The following CNTLN variants were observed in gnomAD, a reference collection of about 807,000 sequenced individuals.
CNTLN encodes centlein, also known as centlein, centrosomal protein.
A neutral mutation model predicts 180.0 loss-of-function variants in CNTLN; 212 were observed. The observed-to-expected ratio is 1.18, with a 90% CI of 1.05 to 1.32. The LOEUF (loss-of-function observed/expected upper bound fraction) is 1.32, where lower values mean the gene tolerates loss of function less well. Among genes scored for constraint, CNTLN ranks in the 40% most tolerant of loss-of-function variants. The probability of loss-of-function intolerance (pLI) is 0.00; values close to 1 mark genes in which losing one functional copy is unlikely to be tolerated. For missense variants in CNTLN, 2,095 were observed against 1,610.9 expected (o/e 1.30, Z -5.14); for synonymous variants, 722 against 563.1 (o/e 1.28, Z -3.99).
intron 18 of CNTLN, among the ~76,000 whole-genome samples, chr9:17,453,735 C>T (rs549560352): frequency 3.3e-5 from 5 of 152,268 alleles, no homozygotes; most frequent in African/African-American, 4.8e-5. Flanking sequence ...GACTGAGGTC[C>T]GTGGCTTGCT....
chr9:17,291,082 A>T (rs931287176), intron 6 of CNTLN, among the ~76,000 whole-genome samples: 7 of 152,154 alleles, frequency 4.6e-5, no homozygotes, highest in South Asian at 2.1e-4. Context: ...ATTCAGGAGC[A>T]GGTTGTTCAG....
intron 23 of CNTLN, among the ~76,000 whole-genome samples, chr9:17,476,023 A>G (rs1156437754): frequency 6.6e-6 from 1 of 151,806 alleles, no homozygotes; most frequent in Non-Finnish European, 1.5e-5. Flanking sequence ...CAAATCTGCC[A>G]GCTCTATTTT....
At chr9:17,310,878 T>C (rs941692154) in intron 8 of CNTLN, among the ~76,000 whole-genome samples, 5 of 152,202 alleles carry the variant, frequency 3.3e-5, no homozygotes, top group African/African-American at 7.2e-5. Context: ...CAATCTTCTA[T>C]TGGATTTTTT....
At chr9:17,253,788 C>G (rs1826301284) in intron 5 of CNTLN, among the ~76,000 whole-genome samples, 1 of 145,318 alleles carries the variant, frequency 6.9e-6, no homozygotes, top group African/African-American at 2.6e-5. Flanking sequence ...TGCCTGATTG[C>G]TCTGACTGGG....
intron 2 of CNTLN, among the ~76,000 whole-genome samples, chr9:17,156,057 G>T (rs920430938): frequency 6.6e-6 from 1 of 152,192 alleles, no homozygotes; most frequent in Non-Finnish European, 1.5e-5. Flanking sequence ...TCTGTGGGCT[G>T]CACCCACTGT....
intron 2 of CNTLN, among the ~76,000 whole-genome samples, chr9:17,218,919 A>G (rs560458337): frequency 7.2e-5 from 11 of 152,308 alleles, no homozygotes; most frequent in Admixed American, 2.0e-4. Flanking sequence ...GGTCTATAAC[A>G]TAATAAAATT....
chr9:17,325,414 ATG>A (rs1820213635), intron 8 of CNTLN, among the ~76,000 whole-genome samples: 1 of 141,436 alleles, frequency 7.1e-6, no homozygotes, highest in African/African-American at 2.7e-5. Context: ...GTGTGTGTGT[ATG>A]TATACACAGA....
intron 13 of CNTLN, among the ~76,000 whole-genome samples, chr9:17,376,451 T>G (rs1232168287): frequency 6.6e-6 from 1 of 150,930 alleles, no homozygotes; most frequent in Admixed American, 6.6e-5. Context: ...TTTTTTAAAT[T>G]TTTTAATTTT....
intron 6 of CNTLN, among the ~76,000 whole-genome samples, chr9:17,277,982 C>A (rs1828420235): frequency 6.6e-6 from 1 of 152,102 alleles, no homozygotes; most frequent in South Asian, 2.1e-4. Context: ...GAAACCATTA[C>A]CACCCTTAGC....
At chr9:17,486,016 T>C (rs760409414) in intron 24 of CNTLN, among the ~76,000 whole-genome samples, 55 of 152,148 alleles carry the variant, frequency 3.6e-4, no homozygotes, top group Non-Finnish European at 5.7e-4. Context: ...AATATGCATG[T>C]CACACAATCT....
chr9:17,507,017 G>C (rs1187683957), downstream of CNTLN, among the ~76,000 whole-genome samples: 2 of 152,022 alleles, frequency 1.3e-5, no homozygotes, highest in African/African-American at 4.8e-5. Flanking sequence ...TTTAGATTCA[G>C]TGGGTACGTG....
intron 8 of CNTLN, among the ~76,000 whole-genome samples, chr9:17,324,095 A>T (rs1238486195): frequency 6.6e-6 from 1 of 152,224 alleles, no homozygotes; most frequent in African/African-American, 2.4e-5. Flanking sequence ...GATAATGTAT[A>T]ACAAGCATAG....
chr9:17,341,036 G>C (rs1821442411), intron 11 of CNTLN, 88 bp downstream of exon 11: 4 of 1,221,174 alleles, frequency 3.3e-6, no homozygotes, highest in Non-Finnish European at 4.3e-6. Flanking sequence ...CTTTTGTTTG[G>C]TTTTAAAGAA....
chr9:17,240,783 C>G (rs1276596653), intron 5 of CNTLN, among the ~76,000 whole-genome samples: 2 of 152,230 alleles, frequency 1.3e-5, no homozygotes, highest in Non-Finnish European at 1.5e-5. Flanking sequence ...ACTTTGGTTT[C>G]TTGTCCCTGT....
chr9:17,488,500 A>G (rs1319020331), intron 25 of CNTLN, among the ~76,000 whole-genome samples: 3 of 152,162 alleles, frequency 2.0e-5, no homozygotes, highest in Admixed American at 1.3e-4. Context: ...TATGGCCTGT[A>G]TTTATTTGAA....
chr9:17,240,731 C>T (rs764611578), intron 5 of CNTLN, among the ~76,000 whole-genome samples: 7 of 151,994 alleles, frequency 4.6e-5, no homozygotes, highest in South Asian at 2.1e-4. Flanking sequence ...CTTTGCTGTG[C>T]GGAAGCTTTT....
chr9:17,298,383 A>G, intron 7 of CNTLN, 31 bp downstream of exon 7: 1 of 1,547,876 alleles, frequency 6.5e-7, no homozygotes, highest in South Asian at 1.3e-5. Context: ...AAAGATGTAA[A>G]TGTTTATGTA....
intron 2 of CNTLN, among the ~76,000 whole-genome samples, chr9:17,222,577 C>A (rs1047645547): frequency 2.0e-5 from 3 of 152,026 alleles, no homozygotes; most frequent in Non-Finnish European, 4.4e-5. Flanking sequence ...GTAAGAAGTA[C>A]CTTTCACCTC....
chr9:17,256,950 T>C (rs547176572), intron 5 of CNTLN, among the ~76,000 whole-genome samples: 6 of 152,026 alleles, frequency 3.9e-5, no homozygotes, highest in Non-Finnish European at 7.4e-5. Flanking sequence ...TCCAGACCAA[T>C]GACCTCCTAT....
Sources: gnomAD v4.1 joint callset for allele counts (sites outside exome capture counted in the v4.1 genomes callset) on GRCh38, gnomAD v4.1.1 for gene constraint, MANE v1.5 for transcripts, NCBI Gene and HGNC (gene_info 2026-07-23, HGNC 2026-07-21) for gene names.